The following DNAH10 variants were observed in gnomAD, a reference collection of about 807,000 sequenced individuals.
DNAH10 encodes the protein axonemal beta dynein heavy chain 10.
In DNAH10, 348 loss-of-function variants were observed where a neutral mutation model predicts 506.6. That is an observed-to-expected ratio of 0.69 (90% CI 0.63 to 0.75). The LOEUF is 0.75. DNAH10 is among the 30% of genes least tolerant of loss of function. The pLI, the probability that DNAH10 is intolerant of heterozygous loss-of-function variation, is 0.00. For synonymous variants in DNAH10, 2,059 were observed against 2,198.6 expected (o/e 0.94, Z 1.78); for missense variants, 5,179 against 5,787.1 (o/e 0.89, Z 3.41).
rs1256422105 is a variant in DNAH10, at chr12:123,902,919, C to A, written c.9641-20C>A. On this transcript the variant is annotated intron_variant, in intron 56 of 78. Transcript: ENST00000673944. This position sits in a 1 kb window ranked among gnomAD's most constrained non-coding sequence, Gnocchi z 4.5. Reference sequence around the variant, plus strand: ...CTCCTCTGAGCCCAAGCTTTACTCACCCCCTGTCCTACCCTGCAGCCGAGG... The same window carrying A: ...CTCCTCTGAGCCCAAGCTTTACTCAACCCCTGTCCTACCCTGCAGCCGAGG... 4 of 1,566,880 alleles carry A rather than the reference C, an allele frequency of 2.6e-6. No individual in the cohort carries two copies. Among genetic ancestry groups the A allele is most frequent in the Non-Finnish European group, 3.5e-6 (4 of 1,156,326 alleles).
chr12:123,814,678 G>GCT (rs1959077797), intron 21 of DNAH10, among the ~76,000 whole-genome samples: 1 of 139,040 alleles, frequency 7.2e-6, no homozygotes, highest in Non-Finnish European at 1.5e-5. Flanking sequence ...GCAGTGGCAT[G>GCT]ATCTCGGCTC....
At chr12:123,863,839 A>G (rs1951697795) in intron 39 of DNAH10, among the ~76,000 whole-genome samples, 1 of 152,238 alleles carries the variant, frequency 6.6e-6, no homozygotes, top group South Asian at 2.1e-4. Flanking sequence ...ATGGACATCC[A>G]AAATACTTTC....
In DNAH10 at chr12:123,913,254, A is replaced by C; in HGVS notation, c.10291A>C (p.Met3431Leu). The change falls in exon 60 of 79, where the codon ATG (methionine) becomes CTG (leucine). Residue 3431 changes from methionine (M) to leucine (L), a missense_variant. By Grantham distance (15) the Met-to-Leu change is conservative. Around this residue, in one of 3 missense-constraint regions of DNAH10, gnomAD observed 4,844 missense variants for 5,430.5 expected, o/e 0.89. Transcript: ENST00000673944. This position sits in a 1 kb window ranked among gnomAD's most constrained non-coding sequence, Gnocchi z 5.1. ...GAAGCTGCAGGAAGAAGCCGAGATC[A>C]TGGAGAGGCGGCTGATTGCCGCAGA... ...KQKLQEEAEI[M>L]ERRLIAADKL... 7 of 1,609,184 alleles carry C rather than the reference A, an allele frequency of 4.4e-6. No individual in the cohort carries two copies. The highest frequency in any genetic ancestry group is 5.9e-6 in the Non-Finnish European group (7 of 1,177,968).
intron 21 of DNAH10, 33 bp downstream of exon 21, chr12:123,813,945 C>G (rs1959045271): frequency 2.6e-6 from 4 of 1,546,426 alleles, no homozygotes; most frequent in Non-Finnish European, 3.5e-6. Context: ...ATTCATTTAA[C>G]AATTGGATTG....
At chr12:123,905,464 G>A (rs1231678265) in intron 57 of DNAH10, among the ~76,000 whole-genome samples, 2 of 152,202 alleles carry the variant, frequency 1.3e-5, no homozygotes, top group African/African-American at 4.8e-5. Flanking sequence ...CCGTGGGGAT[G>A]GAACCTATTT....
intron 43 of DNAH10, 47 bp from the exon 44 acceptor site, chr12:123,870,319 A>C (rs747073364): frequency 6.3e-7 from 1 of 1,589,962 alleles, no homozygotes; most frequent in Admixed American, 1.8e-5. Flanking sequence ...CTGCTTTTGT[A>C]TTTCCGTGTT....
At chr12:123,898,850 A>G (rs369911219) in intron 56 of DNAH10, 36 bp downstream of exon 56, 2 of 1,562,296 alleles carry the variant, frequency 1.3e-6, no homozygotes, top group South Asian at 1.2e-5. Context: ...CCCATCCCCA[A>G]CACCCAATAC....
At chr12:123,799,200 T>TCG in intron 13 of DNAH10, 46 bp from the exon 14 acceptor site, 1 of 1,410,696 alleles carries the variant, frequency 7.1e-7, no homozygotes, top group Non-Finnish European at 9.4e-7. Context: ...AGATGAAAAA[T>TCG]GTTATTTTCA....
chr12:123,788,751 G>A (rs1957961481), intron 10 of DNAH10, among the ~76,000 whole-genome samples: 1 of 151,812 alleles, frequency 6.6e-6, no homozygotes, highest in South Asian at 2.1e-4. Context: ...AACATAGCAA[G>A]ACCCTGTCTA....
intron 19 of DNAH10, among the ~76,000 whole-genome samples, chr12:123,812,471 C>A: frequency 6.6e-6 from 1 of 152,076 alleles, no homozygotes; most frequent in Admixed American, 6.6e-5. Flanking sequence ...ACAAAACAAA[C>A]AAACAAACAA....
intron 51 of DNAH10, among the ~76,000 whole-genome samples, chr12:123,884,604 C>A (rs772815610): frequency 6.6e-5 from 10 of 152,194 alleles, no homozygotes; most frequent in African/African-American, 1.2e-4. Flanking sequence ...TAATCCCATT[C>A]GTGAGGGCTC....
Position 123,897,833 on chromosome 12 carries a change from AC to A in DNAH10, c.9346del (p.Gln3116AsnfsTer14), listed in dbSNP as rs758769536. On this transcript the variant is annotated frameshift_variant, in exon 55 of 79. Transcript: ENST00000673944. LOFTEE classifies it high-confidence loss of function. ...ENVVKHVVLV[H>X]QSVDHYSQQF... Reference sequence around the variant, plus strand: ...GTGGTGAAGCATGTTGTCTTGGTTCACCAATCCGTGGACCACTACAGCCAAC... The same window carrying A: ...GTGGTGAAGCATGTTGTCTTGGTTCACAATCCGTGGACCACTACAGCCAAC... The A allele has an allele frequency of 3.7e-6, 6 of 1,612,176 alleles. No homozygotes were observed. The African/African-American group carries it at 8.0e-5, about 22-fold the overall frequency.
chr12:123,928,212 G>A lies in DNAH10; in HGVS notation c.12106-175G>A. 1 of 716,502 alleles carries A rather than the reference G, an allele frequency of 1.4e-6. No individual in the cohort carries two copies. Among genetic ancestry groups the A allele is most frequent in the Non-Finnish European group, 2.3e-6 (1 of 441,670 alleles). 44.4% of individuals were successfully genotyped at this position (716,502 alleles called of 1,614,324 possible). Reference sequence around the variant, plus strand: ...TCAGTGCACCCACGGGGCCCATGGGGTTTCTCAAAGATGGTTTATTTGAAG... The same window carrying A: ...TCAGTGCACCCACGGGGCCCATGGGATTTCTCAAAGATGGTTTATTTGAAG... On this transcript the variant is annotated intron_variant, in intron 69 of 78. Transcript: ENST00000673944. This position sits in a 1 kb window ranked among gnomAD's most constrained non-coding sequence, Gnocchi z 4.9.
intron 25 of DNAH10, among the ~76,000 whole-genome samples, chr12:123,828,288 A>C (rs1960194128): frequency 6.6e-6 from 1 of 152,198 alleles, no homozygotes. Context: ...CAGCGTAAGA[A>C]TTAAAGAAAG....
chr12:123,860,682 A>G (rs1951576787), intron 38 of DNAH10, among the ~76,000 whole-genome samples: 2 of 152,258 alleles, frequency 1.3e-5, no homozygotes, highest in Middle Eastern at 3.4e-3. Context: ...ATTCTGAGAT[A>G]TTTACTTAAA....
At chr12:123,882,789 CAAAAAAAAAAAAAAA>C (rs59295124) in intron 51 of DNAH10, among the ~76,000 whole-genome samples, 87 of 62,266 alleles carry the variant, frequency 1.4e-3, no homozygotes, top group Non-Finnish European at 2.2e-3. Flanking sequence ...AAGACTCTGT[CAAAAAAAAAAAAAAA>C]AAAAAAAAAA....
intron 38 of DNAH10, among the ~76,000 whole-genome samples, chr12:123,860,517 G>A (rs1021645261): frequency 2.0e-5 from 3 of 152,150 alleles, no homozygotes; most frequent in African/African-American, 7.2e-5. Flanking sequence ...GTGCTGCAGG[G>A]ATTTACAGGC....
In DNAH10 at chr12:123,859,201, A is replaced by T. The variant is rs2136838207; in HGVS notation, c.6682A>T (p.Met2228Leu). 6.2e-7 allele frequency: 1 copy of T among 1,612,390 alleles called. No homozygotes were observed. The highest frequency in any genetic ancestry group is 1.7e-4 in the Middle Eastern group (1 of 6,058). Residue 2228 changes from methionine to leucine, a missense_variant, in exon 38 of 79, where the codon ATG becomes TTG. Physicochemically the swap from Met to Leu is conservative, Grantham distance 15 (BLOSUM62 2). This residue lies in a region of DNAH10 where 4,844 missense variants were observed against 5,430.5 expected (regional missense o/e 0.89). Transcript: ENST00000673944. ...FETMLTRHTT[M>L]VVGPTRGGKS... ...GACCATGTTAACCCGCCACACGACG[A>T]TGGTGGTGGGGCCCACCAGAGGGGG... is the stretch of plus-strand genomic sequence containing the variant.
intron 5 of DNAH10, among the ~76,000 whole-genome samples, chr12:123,775,451 CT>C (rs1211220987): frequency 6.6e-6 from 1 of 152,128 alleles, no homozygotes; most frequent in Non-Finnish European, 1.5e-5. Flanking sequence ...ATCAGCAGGC[CT>C]TTTTCATGAA....
Sources: allele counts gnomAD v4.1 joint callset (sites outside exome capture counted in the v4.1 genomes callset), GRCh38; gene constraint gnomAD v4.1.1; regional missense constraint gnomAD v4.1.1; non-coding constraint Gnocchi (gnomAD v3.1); transcripts MANE v1.5; gene names NCBI Gene and HGNC (gene_info 2026-07-23, HGNC 2026-07-21).